Variants in CTNNA3 observed in about 807,000 individuals in gnomAD.
CTNNA3 encodes catenin alpha 3.
In CTNNA3, 76 loss-of-function variants were observed where a neutral mutation model predicts 95.7. The ratio of observed to expected loss-of-function variants is 0.79; its 90% CI spans 0.66 to 0.96. The LOEUF is 0.96. Ranked by LOEUF, CTNNA3 falls within the 40% of genes least tolerant of loss-of-function variation. The pLI, the probability that CTNNA3 is intolerant of heterozygous loss-of-function variation, is 0.00. For missense variants in CTNNA3, 1,191 were observed against 1,089.8 expected, an observed-to-expected ratio of 1.09 and a Z score of -1.31; for synonymous variants, 431 against 374.4, an observed-to-expected ratio of 1.15 and a Z score of -1.74.
intron 6 of CTNNA3, among the ~76,000 whole-genome samples, chr10:67,197,564 G>A (rs1336422700): frequency 1.3e-5 from 2 of 152,084 alleles, no homozygotes; most frequent in Non-Finnish European, 2.9e-5. Flanking sequence ...ACTGCTGGGT[G>A]GTGACAGTTT....
intron 7 of CTNNA3, among the ~76,000 whole-genome samples, chr10:67,140,743 G>T (rs1860518638): frequency 6.6e-6 from 1 of 152,168 alleles, no homozygotes; most frequent in African/African-American, 2.4e-5. Flanking sequence ...TCTAAGGACA[G>T]GTCAAGTCCT....
intron 5 of CTNNA3, among the ~76,000 whole-genome samples, chr10:67,228,179 G>A (rs1865017375): frequency 1.3e-5 from 2 of 152,090 alleles, no homozygotes; most frequent in African/African-American, 4.8e-5. Flanking sequence ...ACCAAGATCA[G>A]AGCAGAACTA....
At chr10:67,668,333 T>C (rs747736753) in intron 1 of CTNNA3, among the ~76,000 whole-genome samples, 59 of 152,160 alleles carry the variant, frequency 3.9e-4, no homozygotes, top group Non-Finnish European at 6.8e-4. Context: ...ATATTTTATA[T>C]AGGCAATAGT....
intron 13 of CTNNA3, among the ~76,000 whole-genome samples, chr10:66,235,956 G>A (rs963116600): frequency 1.1e-4 from 17 of 152,040 alleles, no homozygotes; most frequent in Non-Finnish European, 1.8e-4. Flanking sequence ...TTTTCTCATA[G>A]TAGCACTTTT....
At chr10:67,215,448 G>C (rs1407207820) in intron 6 of CTNNA3, among the ~76,000 whole-genome samples, 3 of 152,078 alleles carry the variant, frequency 2.0e-5, no homozygotes, top group Non-Finnish European at 4.4e-5. Flanking sequence ...AGAATTTTTT[G>C]AAAGCTGTGT....
chr10:67,675,706 T>C (rs1392082548), intron 1 of CTNNA3, among the ~76,000 whole-genome samples: 1 of 152,072 alleles, frequency 6.6e-6, no homozygotes, highest in Non-Finnish European at 1.5e-5. Context: ...GCAGGAGGAA[T>C]TGCAAAGACA....
At chr10:66,318,251 G>A (rs1402756134) in intron 12 of CTNNA3, among the ~76,000 whole-genome samples, 1 of 142,754 alleles carries the variant, frequency 7.0e-6, no homozygotes, top group Non-Finnish European at 1.5e-5. Flanking sequence ...TGCAGGTGGA[G>A]TTGCTGGGAG....
Position 67,560,034 on chromosome 10 carries a change from G to C in CTNNA3, c.293-20365C>G, listed in dbSNP as rs533128801. Among the ~76,000 whole-genome samples the C allele has an allele frequency of 2.7e-3, 409 of 152,256 alleles. 3 individuals are homozygous for C. Among genetic ancestry groups the C allele is most frequent in the Middle Eastern group, 0.01 (3 of 294 alleles). ...GATTGGTGTACCTGAAAGTGATGGG[G>C]AGAATGGAACCAAGTTGGAAAACAC... On this transcript the variant is annotated intron_variant, in intron 3 of 17. Coordinates refer to ENST00000433211, the MANE Select transcript of CTNNA3 (RefSeq NM_013266.4).
intron 9 of CTNNA3, among the ~76,000 whole-genome samples, chr10:66,733,061 G>A (rs1470233275): frequency 6.6e-6 from 1 of 151,966 alleles, no homozygotes. Flanking sequence ...CTCCCAAAGT[G>A]CTAGGATTAC....
chr10:67,513,919 C>A (rs1000824310), intron 5 of CTNNA3, among the ~76,000 whole-genome samples: 23 of 152,316 alleles, frequency 1.5e-4, no homozygotes, highest in African/African-American at 5.5e-4. Flanking sequence ...GAGAATATAT[C>A]ATTTCCTGTT....
chr10:67,184,454 C>T (rs187981803), intron 6 of CTNNA3, among the ~76,000 whole-genome samples: 8 of 152,234 alleles, frequency 5.3e-5, no homozygotes, highest in South Asian at 2.1e-4. Flanking sequence ...CAGCTTCTCC[C>T]GGAGCAACAT....
chr10:67,724,692 G>A (rs753312899), intron 1 of CTNNA3, among the ~76,000 whole-genome samples: 1 of 152,156 alleles, frequency 6.6e-6, no homozygotes, highest in Non-Finnish European at 1.5e-5. Context: ...CCAGTTTTCA[G>A]CTTCCCTCTT....
chr10:67,177,441 A>G (rs558151170), intron 7 of CTNNA3, among the ~76,000 whole-genome samples: 1 of 152,198 alleles, frequency 6.6e-6, no homozygotes, highest in South Asian at 2.1e-4. Context: ...TTCACCTAAA[A>G]GACTCACAGG....
chr10:65,953,145 A>T (rs1223933995), intron 17 of CTNNA3, among the ~76,000 whole-genome samples: 1 of 152,242 alleles, frequency 6.6e-6, no homozygotes, highest in African/African-American at 2.4e-5. Context: ...CTTTTACAAA[A>T]TACAACAGTT....
chr10:66,934,854 G>C (rs568869913), intron 7 of CTNNA3, among the ~76,000 whole-genome samples: 35 of 152,024 alleles, frequency 2.3e-4, no homozygotes, highest in Middle Eastern at 3.2e-3. Flanking sequence ...ATCTATGCAG[G>C]GTGGAAAATA....
At chr10:67,200,236 C>A (rs1370772422) in intron 6 of CTNNA3, among the ~76,000 whole-genome samples, 2 of 152,008 alleles carry the variant, frequency 1.3e-5, no homozygotes, top group Non-Finnish European at 2.9e-5. Context: ...TGTGACCTTG[C>A]CTGCTATTCC....
intron 7 of CTNNA3, among the ~76,000 whole-genome samples, chr10:66,844,938 TG>T (rs35670624): frequency 0.09 from 13,752 of 152,204 alleles, 694 homozygotes; most frequent in African/African-American, 0.12. Context: ...AAGAACATGT[TG>T]GGTGGTATAG....
intron 7 of CTNNA3, among the ~76,000 whole-genome samples, chr10:67,144,216 C>T (rs1350345699): frequency 6.6e-6 from 1 of 152,186 alleles, no homozygotes; most frequent in Non-Finnish European, 1.5e-5. Flanking sequence ...GTACAACATG[C>T]AGTAAACAGA....
Position 66,013,455 on chromosome 10 carries a change from A to T in CTNNA3, c.2160-24658T>A, listed in dbSNP as rs117200995. Among the ~76,000 whole-genome samples, 115 of 152,332 alleles carry T rather than the reference A, an allele frequency of 7.5e-4. 1 individual carries two copies. The highest frequency in any genetic ancestry group is 1.3e-3 in the Non-Finnish European group (86 of 68,024). On this transcript the variant is annotated intron_variant, in intron 15 of 17. Coordinates refer to ENST00000433211, the MANE Select transcript of CTNNA3 (RefSeq NM_013266.4). ...TAGTGGATCTTAGAGCATGTGCATGATCTAGACCTGCACTGTTCCACGCAG... is the reference window on the plus strand; with the variant it reads ...TAGTGGATCTTAGAGCATGTGCATGTTCTAGACCTGCACTGTTCCACGCAG...
Sources: allele counts gnomAD v4.1 joint callset (sites outside exome capture counted in the v4.1 genomes callset), GRCh38; gene constraint gnomAD v4.1.1; transcripts MANE v1.5; gene names NCBI Gene and HGNC (gene_info 2026-07-23, HGNC 2026-07-21).